The following RARB variants were observed in gnomAD, a reference collection of about 807,000 sequenced individuals.
The protein encoded by RARB is retinoic acid receptor beta.
In RARB, 17 loss-of-function variants were observed where a neutral mutation model predicts 51.9. The ratio of observed to expected loss-of-function variants is 0.33; its 90% CI spans 0.22 to 0.49. The LOEUF is 0.49. RARB is among the 20% of genes least tolerant of loss of function. RARB has a pLI of 0.99. For missense variants in RARB, 369 were observed against 550.8 expected (o/e 0.67, Z 3.30); for synonymous variants, 215 against 195.4 (o/e 1.10, Z -0.84).
chr3:24,919,495 G>A (rs951071575), intron 2 of RARB, among the ~76,000 whole-genome samples: 1 of 122,332 alleles, frequency 8.2e-6, no homozygotes, highest in African/African-American at 5.6e-5. Flanking sequence ...AACCAATCCG[G>A]CTGTTTCTGT....
At chr3:24,889,419 CG>C (rs1235308176) in intron 2 of RARB, among the ~76,000 whole-genome samples, 2 of 152,030 alleles carry the variant, frequency 1.3e-5, no homozygotes, top group African/African-American at 4.8e-5. Flanking sequence ...GCAGTGTTTA[CG>C]TTTTTTATTA....
intron 2 of RARB, among the ~76,000 whole-genome samples, chr3:25,006,407 C>G (rs1264806407): frequency 6.6e-6 from 1 of 152,136 alleles, no homozygotes; most frequent in Non-Finnish European, 1.5e-5. Flanking sequence ...GTAGTGGATA[C>G]AGTTGTGACG....
intron 2 of RARB, among the ~76,000 whole-genome samples, chr3:25,055,026 C>T (rs565330410): frequency 3.9e-5 from 6 of 152,192 alleles, no homozygotes; most frequent in African/African-American, 1.2e-4. Flanking sequence ...CTAAATACTT[C>T]GTGTATTAGA....
At chr3:24,974,791 C>T (rs1696475593) in intron 2 of RARB, among the ~76,000 whole-genome samples, 2 of 152,152 alleles carry the variant, frequency 1.3e-5, no homozygotes, top group Non-Finnish European at 2.9e-5. Context: ...ATAAGGAACA[C>T]TCTCAACCGT....
chr3:24,939,880 C>T (rs963673381), intron 2 of RARB, among the ~76,000 whole-genome samples: 2 of 152,208 alleles, frequency 1.3e-5, no homozygotes, highest in African/African-American at 4.8e-5. Flanking sequence ...ACATACATAA[C>T]ACTGAGAAGG....
chr3:25,104,429 C>G (rs1228115257), intron 3 of RARB, among the ~76,000 whole-genome samples: 1 of 152,100 alleles, frequency 6.6e-6, no homozygotes, highest in Non-Finnish European at 1.5e-5. Flanking sequence ...ATTGCTTGAG[C>G]CCAGGAGTTT....
At chr3:25,077,805 CTG>C (rs1698905941) in intron 3 of RARB, among the ~76,000 whole-genome samples, 1 of 152,112 alleles carries the variant, frequency 6.6e-6, no homozygotes, top group Non-Finnish European at 1.5e-5. Context: ...ACAATACTGT[CTG>C]TGATGAATAA....
At chr3:24,859,227 C>A (rs1380356467) in intron 2 of RARB, among the ~76,000 whole-genome samples, 1 of 151,856 alleles carries the variant, frequency 6.6e-6, no homozygotes, top group Non-Finnish European at 1.5e-5. Context: ...TGATGTCTTT[C>A]TCTATATTGC....
chr3:25,060,161 C>T (rs1295150483), exon 3 of RARB: 1 of 151,628 alleles, frequency 6.6e-6, no homozygotes, highest in East Asian at 1.9e-4. Context: ...GTAACTTGCC[C>T]TAAGACCCAT....
At chr3:24,878,758 G>A (rs1382531004) in intron 2 of RARB, among the ~76,000 whole-genome samples, 1 of 152,138 alleles carries the variant, frequency 6.6e-6, no homozygotes, top group Admixed American at 6.5e-5. Flanking sequence ...CTCCTGTCGG[G>A]TGATCTGCAG....
chr3:25,512,174 C>T (rs1483569481), intron 3 of RARB, among the ~76,000 whole-genome samples: 1 of 152,192 alleles, frequency 6.6e-6, no homozygotes. Flanking sequence ...GCTCCTGTTA[C>T]TGTTCCGGTA....
chr3:25,120,537 C>T (rs1250795290), intron 3 of RARB, among the ~76,000 whole-genome samples: 1 of 150,474 alleles, frequency 6.6e-6, no homozygotes, highest in Non-Finnish European at 1.5e-5. Flanking sequence ...ATCTCTCTCT[C>T]TCTCTCTCTC....
intron 2 of RARB, among the ~76,000 whole-genome samples, chr3:24,997,524 T>G (rs546200980): frequency 3.3e-5 from 5 of 152,204 alleles, no homozygotes; most frequent in Admixed American, 3.3e-4. Flanking sequence ...TTCCTTAATT[T>G]CTTATTGTTT....
At chr3:24,945,444 A>G (rs1695753421) in intron 2 of RARB, among the ~76,000 whole-genome samples, 2 of 152,214 alleles carry the variant, frequency 1.3e-5, no homozygotes, top group South Asian at 4.1e-4. Context: ...AAGTGATAGC[A>G]GTGGGAGTTT....
chr3:24,973,192 A>G lies in RARB; in HGVS notation c.-379-86933A>G, dbSNP rs943879210. On this transcript the variant is annotated intron_variant, in intron 2 of 11. Coordinates refer to the RARB transcript ENST00000383772. ...AAGGGCCTAGTTCATTCTTCTGCACATGGTTATTCAATTTTCCCAGCACCA... is the reference window on the plus strand; with the variant it reads ...AAGGGCCTAGTTCATTCTTCTGCACGTGGTTATTCAATTTTCCCAGCACCA... Among the ~76,000 whole-genome samples, 5 of 152,142 alleles carry G rather than the reference A, an allele frequency of 3.3e-5. No individual in the cohort carries two copies. The South Asian group carries it at 6.2e-4, about 19-fold the overall frequency.
chr3:25,111,502 G>A (rs1699599661), intron 3 of RARB, among the ~76,000 whole-genome samples: 1 of 151,562 alleles, frequency 6.6e-6, no homozygotes, highest in African/African-American at 2.4e-5. Flanking sequence ...CACAAGAGAT[G>A]GTCCAAAAGA....
intron 2 of RARB, among the ~76,000 whole-genome samples, chr3:25,039,008 A>G (rs1298517378): frequency 6.6e-6 from 1 of 152,194 alleles, no homozygotes; most frequent in Non-Finnish European, 1.5e-5. Context: ...ACTTTGCTTA[A>G]ACGGTTTAGA....
chr3:25,005,569 T>G (rs368701704), intron 2 of RARB, among the ~76,000 whole-genome samples: 1 of 152,108 alleles, frequency 6.6e-6, no homozygotes, highest in East Asian at 1.9e-4. Flanking sequence ...AGCAAATGAC[T>G]TAAGAGATAG....
At chr3:25,594,475 G>C (rs775690551) in intron 6 of RARB, 45 bp from the exon 7 acceptor site, 1 of 1,535,766 alleles carries the variant, frequency 6.5e-7, no homozygotes, top group Non-Finnish European at 8.8e-7. Flanking sequence ...AGGGGAAAAG[G>C]GCATAAATCC....
Sources: allele counts gnomAD v4.1 joint callset (sites outside exome capture counted in the v4.1 genomes callset), GRCh38; gene constraint gnomAD v4.1.1; transcripts MANE v1.5; gene names NCBI Gene and HGNC (gene_info 2026-07-23, HGNC 2026-07-21).